The following PPP5C variants were observed in gnomAD, a reference collection of about 807,000 sequenced individuals.
The protein encoded by PPP5C is serine/threonine-protein phosphatase 5.
A neutral mutation model predicts 66.7 loss-of-function variants in PPP5C; 21 were observed. That is an observed-to-expected ratio of 0.31 (90% CI 0.22 to 0.45). The LOEUF is 0.45. Ranked by LOEUF, PPP5C falls within the 20% of genes least tolerant of loss-of-function variation. The pLI, the probability that PPP5C is intolerant of heterozygous loss-of-function variation, is 1.00. For synonymous variants in PPP5C, 246 were observed against 257.4 expected, an observed-to-expected ratio of 0.96 and a Z score of 0.43; for missense variants, 464 against 675.9, an observed-to-expected ratio of 0.69 and a Z score of 3.48.
At chr19:46,348,181 G>A (rs992241059) in intron 1 of PPP5C, among the ~76,000 whole-genome samples, 1 of 152,050 alleles carries the variant, frequency 6.6e-6, no homozygotes, top group Non-Finnish European at 1.5e-5. Context: ...CCTGGGATGG[G>A]GAATGAAAGG....
At chr19:46,363,295 G>A (rs958813917) in intron 2 of PPP5C, among the ~76,000 whole-genome samples, 2 of 65,418 alleles carry the variant, frequency 3.1e-5, no homozygotes, top group African/African-American at 1.3e-4. Context: ...GCGACAGAGC[G>A]AGACTCCATC....
At chr19:46,375,540 C>G in intron 2 of PPP5C, 64 bp from the exon 3 acceptor site, 1 of 1,589,546 alleles carries the variant, frequency 6.3e-7, no homozygotes, top group African/African-American at 1.3e-5. Context: ...GGCTGGGCAG[C>G]CTGGGGGCAA....
Position 46,383,557 on chromosome 19 carries a change from C to G in PPP5C, c.699+81C>G, listed in dbSNP as rs1972831691. The G allele has an allele frequency of 7.2e-7, 1 of 1,380,798 alleles. No individual in the cohort carries two copies. Among genetic ancestry groups the G allele is most frequent in the African/African-American group, 1.4e-5 (1 of 69,512 alleles). 85.5% of individuals were successfully genotyped at this position (1,380,798 alleles called of 1,614,324 possible). On this transcript the variant is annotated intron_variant, in intron 5 of 12. Transcript: ENST00000012443. This position sits in a 1 kb window ranked among gnomAD's most constrained non-coding sequence, Gnocchi z 5.0. Reference sequence around the variant, plus strand: ...GGAGGGGCCACAGAGCTCAGGAACTCACGGATCCACCTCCCTCTCTCCCTC... The same window carrying G: ...GGAGGGGCCACAGAGCTCAGGAACTGACGGATCCACCTCCCTCTCTCCCTC...
chr19:46,366,461 T>C (rs956114348), intron 2 of PPP5C, among the ~76,000 whole-genome samples: 5 of 151,688 alleles, frequency 3.3e-5, no homozygotes, highest in Non-Finnish European at 7.4e-5. Flanking sequence ...TCCTCCCACC[T>C]CAGCCTCCCA....
chr19:46,364,445 C>CA lies in PPP5C; in HGVS notation c.363+10463dup, dbSNP rs796368453. Among the ~76,000 whole-genome samples, 491 of 152,080 alleles carry CA rather than the reference C, an allele frequency of 3.2e-3. 4 individuals are homozygous for CA. Among genetic ancestry groups the CA allele is most frequent in the African/African-American group, 0.011 (444 of 41,514 alleles). ...CATGGCAAGACCTCTTCTCTAGTCT[C>CA]AAAAAAATGTTTTTAAACAGATAGC... On this transcript the variant is annotated intron_variant, in intron 2 of 12. Transcript: ENST00000012443.
chr19:46,389,409 A>AGAGTGTTGAT (rs1358549345), intron 11 of PPP5C, among the ~76,000 whole-genome samples: 2 of 36,852 alleles, frequency 5.4e-5, no homozygotes, highest in Non-Finnish European at 1.4e-4. Context: ...ACACACACAC[A>AGAGTGTTGAT]CACACACACA....
chr19:46,376,320 T>C lies in PPP5C; in HGVS notation c.512-133T>C. 8.3e-7 allele frequency: 1 copy of C among 1,202,640 alleles called. No individual in the cohort carries two copies. The allele number at this position is 1,202,640 out of a possible 1,614,324, so 74.5% of individuals were successfully genotyped here. A position where few individuals can be genotyped will look rare whatever the true frequency, so the allele number is the denominator to read the frequency against. On this transcript the variant is annotated intron_variant, in intron 3 of 12. Coordinates refer to ENST00000012443, the MANE Select transcript of PPP5C (RefSeq NM_006247.4). The surrounding 1 kb of genome is among the most constrained non-coding windows in gnomAD (Gnocchi z 5.1). ...GGCCAGACCTGACCCAGGAGGGGACTCTTCACTCACTCTGTCCCGCTCTCG... is the reference window on the plus strand; with the variant it reads ...GGCCAGACCTGACCCAGGAGGGGACCCTTCACTCACTCTGTCCCGCTCTCG...
chr19:46,383,968 A>T lies in PPP5C; in HGVS notation c.798+90A>T. 1 of 1,096,528 alleles carries T rather than the reference A, an allele frequency of 9.1e-7. No individual in the cohort carries two copies. 67.9% of individuals were successfully genotyped at this position (1,096,528 alleles called of 1,614,324 possible). ...CAGAGTGGGAGGAGCCCTTGCCAGG[A>T]AAAGACGTGACCTTGGAAAGGAGAG... On this transcript the variant is annotated intron_variant, in intron 6 of 12. Transcript: ENST00000012443. This position sits in a 1 kb window ranked among gnomAD's most constrained non-coding sequence, Gnocchi z 5.0.
Position 46,376,659 on chromosome 19 carries a change from C to T in PPP5C, c.633+85C>T. 1.3e-6 allele frequency: 2 copies of T among 1,549,760 alleles called. No individual in the cohort carries two copies. Among genetic ancestry groups the T allele is most frequent in the Non-Finnish European group, 1.7e-6 (2 of 1,143,080 alleles). ...CAGCCGCGGGCACTGAGCAAAACGA[C>T]AGGAGAAGGGCGGCCATGACAGCCA... On this transcript the variant is annotated intron_variant, in intron 4 of 12. Transcript: ENST00000012443. The surrounding 1 kb of genome is among the most constrained non-coding windows in gnomAD (Gnocchi z 5.1).
chr19:46,355,501 G>C (rs1044596045), intron 2 of PPP5C, among the ~76,000 whole-genome samples: 1 of 151,902 alleles, frequency 6.6e-6, no homozygotes, highest in Non-Finnish European at 1.5e-5. Flanking sequence ...CCAGGTGAAG[G>C]CTTGAGCTAA....
At chr19:46,353,661 G>A in intron 1 of PPP5C, 87 bp from the exon 2 acceptor site, 1 of 1,569,834 alleles carries the variant, frequency 6.4e-7, no homozygotes, top group Non-Finnish European at 8.7e-7. Context: ...CCCCATCTGT[G>A]AACAGGGAGA....
chr19:46,384,735 C>G, intron 6 of PPP5C, 69 bp from the exon 7 acceptor site: 1 of 1,284,462 alleles, frequency 7.8e-7, no homozygotes, highest in Non-Finnish European at 1.1e-6. Context: ...CATCTTCTGC[C>G]ACCACCCCCA....
intron 2 of PPP5C, among the ~76,000 whole-genome samples, chr19:46,356,333 G>A (rs1444343917): frequency 6.6e-6 from 1 of 152,254 alleles, no homozygotes; most frequent in Admixed American, 6.5e-5. Context: ...TTTCTGCGCA[G>A]TTCTTCAGGC....
chr19:46,365,103 C>T (rs1241534305), intron 2 of PPP5C, among the ~76,000 whole-genome samples: 1 of 152,216 alleles, frequency 6.6e-6, no homozygotes, highest in Non-Finnish European at 1.5e-5. Context: ...TTGCCTCGGT[C>T]TCCCAAGTAG....
chr19:46,374,610 T>C (rs1013224059), intron 2 of PPP5C, among the ~76,000 whole-genome samples: 1 of 152,196 alleles, frequency 6.6e-6, no homozygotes, highest in African/African-American at 2.4e-5. Flanking sequence ...ATAGGGCTCC[T>C]TTCACTGGGA....
intron 2 of PPP5C, among the ~76,000 whole-genome samples, chr19:46,373,186 G>A (rs1031658706): frequency 2.0e-5 from 3 of 152,234 alleles, no homozygotes; most frequent in Non-Finnish European, 4.4e-5. Context: ...CTCCCTGGAG[G>A]GCATGCAGTG....
In PPP5C at chr19:46,390,380, C is replaced by T. The variant is rs1167370037; in HGVS notation, c.*34C>T. On this transcript the variant is annotated 3_prime_UTR_variant, in exon 13 of 13. Coordinates refer to ENST00000012443, the MANE Select transcript of PPP5C (RefSeq NM_006247.4). ...GCGGGGCGGCCTGCATCCCAGGGCC[C>T]CTCCAATCCCACCGGACCCAGGCCC... The T allele has an allele frequency of 1.2e-5, 19 of 1,555,142 alleles. No homozygotes were observed. Among genetic ancestry groups the T allele is most frequent in the Non-Finnish European group, 1.5e-5 (17 of 1,149,452 alleles).
At chr19:46,375,794 C>G in intron 3 of PPP5C, 43 bp downstream of exon 3, 1 of 1,538,652 alleles carries the variant, frequency 6.5e-7, no homozygotes, top group Non-Finnish European at 8.8e-7. Flanking sequence ...CCAGAACATT[C>G]CACACGGGCC....
At position 46,390,052 on chromosome 19, in the gene PPP5C, G is replaced by A. The variant is rs1253824377; in HGVS notation, c.1357G>A (p.Asp453Asn). ...TCCACTCTGCTCCTGTCCCTGCAGC[G>A]ACCAGATGGGGAACAAAGCCTCCTA... is the stretch of plus-strand genomic sequence containing the variant. ...VTVFSAPNYC[D>N]QMGNKASYIH... The change falls in exon 12 of 13, where the codon GAC (aspartate) becomes AAC (asparagine). Residue 453 changes from aspartate to asparagine, a missense_variant and splice_region_variant. By Grantham distance (23) the Asp-to-Asn change is conservative (BLOSUM62 1). Around this residue, in one of 2 missense-constraint regions of PPP5C, gnomAD observed 387 missense variants for 626.0 expected, o/e 0.62. Transcript: ENST00000012443. 4.3e-6 allele frequency: 7 copies of A among 1,613,804 alleles called. No homozygotes were observed. The highest frequency in any genetic ancestry group is 2.2e-5 in the East Asian group (1 of 44,874).
Sources: allele counts gnomAD v4.1 joint callset (sites outside exome capture counted in the v4.1 genomes callset), GRCh38; gene constraint gnomAD v4.1.1; regional missense constraint gnomAD v4.1.1; non-coding constraint Gnocchi (gnomAD v3.1); transcripts MANE v1.5; gene names NCBI Gene and HGNC (gene_info 2026-07-23, HGNC 2026-07-21).